The following KHDRBS2 variants were observed in gnomAD, a reference collection of about 807,000 sequenced individuals.
KHDRBS2 encodes the protein KH RNA binding domain containing, signal transduction associated 2, also known as KH domain-containing, RNA-binding, signal transduction-associated protein 2.
In KHDRBS2, 26 loss-of-function variants were observed where a neutral mutation model predicts 44.3. The observed-to-expected ratio is 0.59, with a 90% CI of 0.43 to 0.81. KHDRBS2 has a LOEUF of 0.81. KHDRBS2 is among the 40% of genes least tolerant of loss of function. The probability of loss-of-function intolerance (pLI) is 0.00; values close to 1 mark genes in which losing one functional copy is unlikely to be tolerated. For missense variants in KHDRBS2, 476 were observed against 433.1 expected (o/e 1.10, Z -0.88); for synonymous variants, 194 against 151.1 (o/e 1.28, Z -2.08).
At chr6:61,688,600 T>C (rs1252702889) in intron 8 of KHDRBS2, among the ~76,000 whole-genome samples, 2 of 151,926 alleles carry the variant, frequency 1.3e-5, no homozygotes, top group Admixed American at 6.6e-5. Flanking sequence ...CTGATTGTCT[T>C]ACTCCCCCTA....
chr6:61,970,798 A>C (rs1362276667), intron 4 of KHDRBS2, among the ~76,000 whole-genome samples: 1 of 152,128 alleles, frequency 6.6e-6, no homozygotes. Flanking sequence ...ACCTTTTCAC[A>C]AAGCTCTTGG....
At chr6:61,870,363 C>T (rs1439943976) in intron 6 of KHDRBS2, among the ~76,000 whole-genome samples, 1 of 152,104 alleles carries the variant, frequency 6.6e-6, no homozygotes, top group Non-Finnish European at 1.5e-5. Context: ...CTGGTCAGGG[C>T]ATCTCTGAAA....
intron 2 of KHDRBS2, among the ~76,000 whole-genome samples, chr6:62,115,056 G>A (rs1357072785): frequency 1.3e-5 from 2 of 151,974 alleles, no homozygotes; most frequent in African/African-American, 2.4e-5. Flanking sequence ...GCGATCATTC[G>A]TTTTAGGAGT....
In KHDRBS2 at chr6:61,755,763, G is replaced by A. The variant is rs183784992; in HGVS notation, c.811-22999C>T. On this transcript the variant is annotated intron_variant, in intron 6 of 8. Coordinates refer to ENST00000281156, the MANE Select transcript of KHDRBS2 (RefSeq NM_152688.4). Reference sequence around the variant, plus strand: ...TGCAGTGAGCCGAGATAAGGCCATTGCACTCCAGCCTGGGCAACAGGGCAA... The same window carrying A: ...TGCAGTGAGCCGAGATAAGGCCATTACACTCCAGCCTGGGCAACAGGGCAA... Among the ~76,000 whole-genome samples the A allele has an allele frequency of 1.2e-3, 180 of 147,198 alleles. 1 individual carries two copies. The highest frequency in any genetic ancestry group is 4.2e-3 in the African/African-American group (169 of 39,960).
intron 6 of KHDRBS2, among the ~76,000 whole-genome samples, chr6:61,777,301 T>A (rs930049027): frequency 5.3e-5 from 8 of 151,578 alleles, no homozygotes; most frequent in African/African-American, 1.7e-4. Flanking sequence ...TAATAAAATA[T>A]AAAAAAAATT....
chr6:61,621,573 GA>G, the KHDRBS2 span, among the ~76,000 whole-genome samples: 1 of 152,162 alleles, frequency 6.6e-6, no homozygotes, highest in Admixed American at 6.5e-5. Context: ...TCCAATAAGG[GA>G]AAATCTGGCC....
At chr6:61,842,482 T>C (rs1445256596) in intron 6 of KHDRBS2, among the ~76,000 whole-genome samples, 1 of 152,196 alleles carries the variant, frequency 6.6e-6, no homozygotes, top group African/African-American at 2.4e-5. Flanking sequence ...GGGGCTGACC[T>C]GCTAGCTGTG....
chr6:62,144,788 G>T (rs551200644), intron 2 of KHDRBS2, among the ~76,000 whole-genome samples: 2 of 152,098 alleles, frequency 1.3e-5, no homozygotes, highest in South Asian at 4.1e-4. Flanking sequence ...TGAAAGATCT[G>T]AGATAAGATT....
chr6:62,125,466 T>C (rs1808742183), intron 2 of KHDRBS2, among the ~76,000 whole-genome samples: 1 of 152,122 alleles, frequency 6.6e-6, no homozygotes, highest in Non-Finnish European at 1.5e-5. Context: ...TATGTTGGGC[T>C]CAGAGCCAGT....
intron 6 of KHDRBS2, among the ~76,000 whole-genome samples, chr6:61,734,841 G>C (rs866786492): frequency 2.0e-5 from 3 of 152,084 alleles, no homozygotes; most frequent in Admixed American, 6.6e-5. Flanking sequence ...AAAGACATCA[G>C]CTCATCCATA....
chr6:61,859,914 C>A (rs1170295249), intron 6 of KHDRBS2, among the ~76,000 whole-genome samples: 5 of 151,600 alleles, frequency 3.3e-5, no homozygotes, highest in Middle Eastern at 3.4e-3. Context: ...AAATAAATTG[C>A]AAGAAAGATT....
At chr6:62,251,823 C>T (rs1321620560) in intron 1 of KHDRBS2, among the ~76,000 whole-genome samples, 3 of 150,312 alleles carry the variant, frequency 2.0e-5, no homozygotes, top group Non-Finnish European at 3.0e-5. Context: ...CAAAGCCTCA[C>T]ATTTTTACTT....
intron 4 of KHDRBS2, among the ~76,000 whole-genome samples, chr6:61,975,653 G>GCGCACACACA (rs1554300998): frequency 2.5e-4 from 22 of 88,402 alleles, no homozygotes; most frequent in Middle Eastern, 5.3e-3. Flanking sequence ...TAAGCAAGAT[G>GCGCACACACA]CACACACACA....
intron 2 of KHDRBS2, among the ~76,000 whole-genome samples, chr6:62,090,663 G>C (rs1799331403): frequency 6.6e-6 from 1 of 151,996 alleles, no homozygotes; most frequent in South Asian, 2.1e-4. Context: ...GTGCCAGAGA[G>C]AACAGGGGTA....
At position 62,286,199 on chromosome 6, in the gene KHDRBS2, C is replaced by A. The variant is rs1842481039; in HGVS notation, c.-251G>T. The A allele has an allele frequency of 1.3e-4, 64 of 508,992 alleles. 1 individual carries two copies. The South Asian group carries it at 1.6e-3, about 13-fold the overall frequency. The allele number at this position is 508,992 out of a possible 1,614,324, so 31.5% of individuals were successfully genotyped here. A position where few individuals can be genotyped will look rare whatever the true frequency, so the allele number is the denominator to read the frequency against. On this transcript the variant is annotated 5_prime_UTR_variant, in exon 1 of 9. Transcript: ENST00000281156. The stretch of plus-strand genomic sequence containing the variant: ...GCAGAGCCCCGGCTCACACCAGCGG[C>A]CTTAACTGGAGAGGCGGGAACAGGA...
At chr6:61,851,352 C>G (rs1043119708) in intron 6 of KHDRBS2, among the ~76,000 whole-genome samples, 1 of 151,808 alleles carries the variant, frequency 6.6e-6, no homozygotes, top group Non-Finnish European at 1.5e-5. Context: ...TAAATTCAGG[C>G]TTTTGGCATC....
the KHDRBS2 span, among the ~76,000 whole-genome samples, chr6:61,573,621 C>T: frequency 1.0e-3 from 157 of 152,190 alleles, no homozygotes; most frequent in African/African-American, 3.7e-3. Context: ...GAAACCCTGT[C>T]TCTACTAAAA....
chr6:62,245,071 C>T lies in KHDRBS2; in HGVS notation c.91+40787G>A, dbSNP rs1455035351. On this transcript the variant is annotated intron_variant, in intron 1 of 8. Transcript: ENST00000281156. ...ATATACTAGAAAACTGAAAACAGAC[C>T]CAACATTCTCATGCGACTAGAAGGG... 2.6e-5 allele frequency among the ~76,000 whole-genome samples: 4 copies of T among 152,064 alleles called. No individual in the cohort carries two copies. The East Asian group carries it at 7.8e-4, about 30-fold the overall frequency.
chr6:62,094,855 A>G (rs929584367), intron 2 of KHDRBS2, among the ~76,000 whole-genome samples: 3 of 151,906 alleles, frequency 2.0e-5, no homozygotes, highest in Non-Finnish European at 4.4e-5. Flanking sequence ...TTTTTTGCCC[A>G]AAATAAGTGG....
Sources: allele counts gnomAD v4.1 joint callset (sites outside exome capture counted in the v4.1 genomes callset), GRCh38; gene constraint gnomAD v4.1.1; transcripts MANE v1.5; gene names NCBI Gene and HGNC (gene_info 2026-07-23, HGNC 2026-07-21).